Variants in TMPRSS6 observed in about 807,000 individuals in gnomAD.
The protein encoded by TMPRSS6 is transmembrane serine protease 6.
Under a neutral mutation model 101.5 loss-of-function variants are expected in TMPRSS6, and 67 were observed. The observed-to-expected ratio is 0.66, with a 90% CI of 0.54 to 0.81. The LOEUF is 0.81. Ranked by LOEUF, TMPRSS6 falls within the 30% of genes least tolerant of loss-of-function variation. TMPRSS6 has a pLI of 0.00. For missense variants in TMPRSS6, 1,034 were observed against 1,088.7 expected (o/e 0.95, Z 0.71); for synonymous variants, 453 against 464.9 (o/e 0.97, Z 0.33).
At position 37,096,015 on chromosome 22, in the gene TMPRSS6, C is replaced by T; in HGVS notation, c.480G>A (p.Glu160=). 6.2e-7 allele frequency: 1 copy of T among 1,614,260 alleles called. No individual in the cohort carries two copies. Among genetic ancestry groups the T allele is most frequent in the East Asian group, 2.2e-5 (1 of 44,886 alleles). The stretch of plus-strand genomic sequence containing the variant: ...CCTCCACCAGCAGTGCCTGCACCAC[C>T]TCGGGGCTCAGCATCAGCCGGCGGT... ...PEHRRLMLSP[E]VVQALLVEEL... Residue 160 remains glutamate (E), a synonymous_variant, in exon 5 of 18, where the codon GAG becomes GAA. Transcript: ENST00000676104.
At chr22:37,096,755 A>G (rs980758795) in intron 3 of TMPRSS6, 40 bp from the exon 4 acceptor site, 2 of 1,549,202 alleles carry the variant, frequency 1.3e-6, no homozygotes, top group Non-Finnish European at 1.7e-6. Flanking sequence ...GACCCTCTGC[A>G]GGGCAGACAG....
At chr22:37,099,353 C>A (rs917381605) in intron 2 of TMPRSS6, among the ~76,000 whole-genome samples, 1 of 152,176 alleles carries the variant, frequency 6.6e-6, no homozygotes, top group African/African-American at 2.4e-5. Context: ...GGAGCTGGGG[C>A]CTCCGCAGGG....
intron 7 of TMPRSS6, among the ~76,000 whole-genome samples, chr22:37,087,104 G>C (rs1569013739): frequency 6.6e-6 from 1 of 152,130 alleles, no homozygotes; most frequent in Non-Finnish European, 1.5e-5. Flanking sequence ...TGTGATGGCT[G>C]GTACCCTCCC....
At chr22:37,068,712 C>T (rs759255294) in intron 16 of TMPRSS6, 13 of 779,488 alleles carry the variant, frequency 1.7e-5, no homozygotes, top group Non-Finnish European at 3.1e-5. Flanking sequence ...AGTCAAGTTC[C>T]CCTAAAATCC....
chr22:37,068,688 G>A (rs777643832), intron 16 of TMPRSS6: 2 of 779,666 alleles, frequency 2.6e-6, no homozygotes, highest in South Asian at 2.7e-5. Flanking sequence ...AGGGCTGTTG[G>A]GTGGATTATA....
chr22:37,098,189 C>T (rs1601569102), intron 3 of TMPRSS6, among the ~76,000 whole-genome samples: 1 of 152,126 alleles, frequency 6.6e-6, no homozygotes, highest in Admixed American at 6.5e-5. Context: ...CATGCTCCAC[C>T]CCTGGTAAGA....
intron 10 of TMPRSS6, chr22:37,082,590 A>G (rs955183313): frequency 5.0e-6 from 1 of 198,454 alleles, no homozygotes; most frequent in African/African-American, 2.4e-5. Flanking sequence ...AGTGAGCTCC[A>G]TGAGGGGTCA....
At position 37,069,361 on chromosome 22, in the gene TMPRSS6, T is replaced by TGGGGTGGGGG; in HGVS notation, c.1842-18_1842-17insCCCCCACCCC. 8.2e-6 allele frequency: 1 copy of TGGGGTGGGGG among 122,450 alleles called. No homozygotes were observed. The highest frequency in any genetic ancestry group is 1.5e-5 in the Non-Finnish European group (1 of 66,986). The allele number at this position is 122,450 out of a possible 1,614,324, so 7.6% of individuals were successfully genotyped here. A position where few individuals can be genotyped will look rare whatever the true frequency, so the allele number is the denominator to read the frequency against. Reference sequence around the variant, plus strand: ...GAGGCCATGCTGGGGTGGGGTGGGGTGGGGTGGGGTGGGGTGAGGTGAGGT... The same window carrying TGGGGTGGGGG: ...GAGGCCATGCTGGGGTGGGGTGGGGTGGGGTGGGGGGGGGTGGGGTGGGGTGAGGTGAGGT... On this transcript the variant is annotated splice_polypyrimidine_tract_variant and intron_variant, in intron 15 of 17. Coordinates refer to ENST00000676104, the MANE Select transcript of TMPRSS6 (RefSeq NM_001374504.1). The surrounding 1 kb of genome is among the most constrained non-coding windows in gnomAD (Gnocchi z 4.8).
intron 1 of TMPRSS6, among the ~76,000 whole-genome samples, chr22:37,106,877 C>T (rs536459959): frequency 6.6e-6 from 1 of 152,214 alleles, no homozygotes; most frequent in African/African-American, 2.4e-5. Context: ...TACCAGGCGA[C>T]CTGCCAGGCA....
chr22:37,073,319 A>G (rs1420759444), intron 13 of TMPRSS6, among the ~76,000 whole-genome samples: 1 of 148,544 alleles, frequency 6.7e-6, no homozygotes, highest in East Asian at 2.1e-4. Context: ...GTATGAATCA[A>G]TGGACAGACG....
intron 10 of TMPRSS6, among the ~76,000 whole-genome samples, chr22:37,078,973 A>AGAAAGAAAGAAAGAAAG (rs1555888509): frequency 9.4e-6 from 1 of 106,510 alleles, no homozygotes; most frequent in Non-Finnish European, 1.9e-5. Flanking sequence ...GAAAGAAAGA[A>AGAAAGAAAGAAAGAAAG]AAAGAAAGAA....
chr22:37,104,295 C>T (rs1255051086), intron 1 of TMPRSS6, among the ~76,000 whole-genome samples: 8 of 152,104 alleles, frequency 5.3e-5, no homozygotes, highest in Admixed American at 5.2e-4. Flanking sequence ...ACGCATTTTA[C>T]AGATTAAAAA....
chr22:37,107,263 G>C (rs1255267932), intron 1 of TMPRSS6, among the ~76,000 whole-genome samples: 1 of 152,184 alleles, frequency 6.6e-6, no homozygotes. Flanking sequence ...GCCAGGCTCT[G>C]TGGTGGCGAC....
intron 10 of TMPRSS6, chr22:37,082,502 C>G (rs1032674799): frequency 1.2e-5 from 2 of 168,258 alleles, no homozygotes; most frequent in African/African-American, 4.8e-5. Context: ...GGATCCATCT[C>G]AGGGTCACCC....
chr22:37,082,236 C>T lies in TMPRSS6; in HGVS notation c.1196+2059G>A, dbSNP rs1540377. Reference sequence around the variant, plus strand: ...AACAGGAACGGCGCCAATGACCACACAAGTTGTTGGGCCAATGCACTGAAC... The same window carrying T: ...AACAGGAACGGCGCCAATGACCACATAAGTTGTTGGGCCAATGCACTGAAC... On this transcript the variant is annotated intron_variant, in intron 10 of 17. Coordinates refer to ENST00000676104, the MANE Select transcript of TMPRSS6 (RefSeq NM_001374504.1). 6.2e-4 allele frequency among the ~76,000 whole-genome samples: 94 copies of T among 152,302 alleles called. 1 individual carries two copies. Among genetic ancestry groups the T allele is most frequent in the African/African-American group, 2.1e-3 (89 of 41,560 alleles).
chr22:37,077,493 G>A (rs1927774418), intron 10 of TMPRSS6, among the ~76,000 whole-genome samples: 1 of 152,224 alleles, frequency 6.6e-6, no homozygotes. Context: ...CATGTTTATA[G>A]TAACACTCAG....
At chr22:37,096,191 A>T in intron 4 of TMPRSS6, 101 bp from the exon 5 acceptor site, 2 of 1,341,162 alleles carry the variant, frequency 1.5e-6, no homozygotes, top group Non-Finnish European at 2.1e-6. Flanking sequence ...CACCTCAGCC[A>T]TTGCTGTCCG....
intron 6 of TMPRSS6, among the ~76,000 whole-genome samples, chr22:37,093,698 G>A (rs1464051927): frequency 6.7e-6 from 1 of 150,118 alleles, no homozygotes; most frequent in Non-Finnish European, 1.5e-5. Context: ...CACCATGCCT[G>A]GCTGACTTTT....
At chr22:37,077,887 G>C (rs1435314597) in intron 10 of TMPRSS6, among the ~76,000 whole-genome samples, 2 of 152,202 alleles carry the variant, frequency 1.3e-5, no homozygotes, top group Non-Finnish European at 2.9e-5. Context: ...GAGAGTGACT[G>C]GGTCCTGAGG....
Sources: allele counts gnomAD v4.1 joint callset (sites outside exome capture counted in the v4.1 genomes callset), GRCh38; gene constraint gnomAD v4.1.1; non-coding constraint Gnocchi (gnomAD v3.1); transcripts MANE v1.5; gene names NCBI Gene and HGNC (gene_info 2026-07-23, HGNC 2026-07-21).